The following MARCHF4 variants were observed in gnomAD, a reference collection of about 807,000 sequenced individuals.
MARCHF4 encodes E3 ubiquitin-protein ligase MARCHF4.
In MARCHF4, 14 loss-of-function variants were observed where a neutral mutation model predicts 43.9. That is an observed-to-expected ratio of 0.32 (90% CI 0.21 to 0.50). The LOEUF (loss-of-function observed/expected upper bound fraction) is 0.50. Ranked by LOEUF, MARCHF4 falls within the 20% of genes least tolerant of loss-of-function variation. The pLI is 0.98. For missense variants in MARCHF4, 468 were observed against 536.7 expected, an observed-to-expected ratio of 0.87 and a Z score of 1.27; for synonymous variants, 226 against 213.3, an observed-to-expected ratio of 1.06 and a Z score of -0.52.
chr2:216,274,000 G>A (rs113605720), intron 3 of MARCHF4, among the ~76,000 whole-genome samples: 33 of 152,310 alleles, frequency 2.2e-4, no homozygotes, highest in African/African-American at 7.0e-4. Flanking sequence ...TTGGAGTGTC[G>A]GTTGTGTTAC....
Position 216,369,907 on chromosome 2 carries a change from G to A in MARCHF4, c.354C>T (p.Asp118=), listed in dbSNP as rs966077168. The A allele has an allele frequency of 1.9e-6, 3 of 1,612,994 alleles. No individual in the cohort carries two copies. Among genetic ancestry groups the A allele is most frequent in the Non-Finnish European group, 2.5e-6 (3 of 1,179,642 alleles). Residue 118 remains aspartate, a synonymous_variant, in exon 1 of 4, where the codon GAC becomes GAT. Transcript: ENST00000273067. ...PPLPPSSVED[D]WGGPATEPPA... ...GTGGCTCTGTGGCTGGGCCACCCCAGTCATCTTCCACAGAAGAAGGTGGCA... is the reference window on the plus strand; with the variant it reads ...GTGGCTCTGTGGCTGGGCCACCCCAATCATCTTCCACAGAAGAAGGTGGCA...
intron 1 of MARCHF4, among the ~76,000 whole-genome samples, chr2:216,354,146 T>G (rs192515181): frequency 1.3e-5 from 2 of 152,244 alleles, no homozygotes; most frequent in African/African-American, 4.8e-5. Flanking sequence ...GACTAGTTGC[T>G]AAAGAGGAGT....
At chr2:216,365,558 G>A (rs559902500) in intron 1 of MARCHF4, among the ~76,000 whole-genome samples, 1 of 152,274 alleles carries the variant, frequency 6.6e-6, no homozygotes, top group South Asian at 2.1e-4. Context: ...TGGGGGTGGG[G>A]GACACATCTC....
intron 3 of MARCHF4, among the ~76,000 whole-genome samples, chr2:216,270,531 CA>C (rs1162412550): frequency 2.0e-5 from 3 of 151,982 alleles, no homozygotes; most frequent in African/African-American, 2.4e-5. Context: ...TCTACCCTGA[CA>C]AAAAAACCTC....
At chr2:216,279,261 G>T (rs1393777495) in intron 2 of MARCHF4, among the ~76,000 whole-genome samples, 2 of 152,212 alleles carry the variant, frequency 1.3e-5, no homozygotes, top group Non-Finnish European at 2.9e-5. Flanking sequence ...CCAGAAGAAA[G>T]CATGGGAAGG....
intron 1 of MARCHF4, among the ~76,000 whole-genome samples, chr2:216,295,176 G>A (rs928787543): frequency 6.6e-6 from 1 of 152,330 alleles, no homozygotes; most frequent in Middle Eastern, 3.4e-3. Flanking sequence ...TTTCTCAGGG[G>A]TAAAGTAGGA....
chr2:216,326,370 A>G (rs1334820027), intron 1 of MARCHF4, among the ~76,000 whole-genome samples: 2 of 148,466 alleles, frequency 1.3e-5, no homozygotes, highest in African/African-American at 2.5e-5. Context: ...GTGGGACTGT[A>G]AACTAGTTCA....
chr2:216,268,673 G>T (rs1166488431), intron 3 of MARCHF4, among the ~76,000 whole-genome samples: 2 of 152,164 alleles, frequency 1.3e-5, no homozygotes, highest in Non-Finnish European at 2.9e-5. Context: ...GTGTGAAAAT[G>T]GACTAATATA....
chr2:216,295,876 G>A (rs1177426989), intron 1 of MARCHF4, among the ~76,000 whole-genome samples: 2 of 152,202 alleles, frequency 1.3e-5, no homozygotes, highest in African/African-American at 4.8e-5. Context: ...GACTGGGTGC[G>A]GTGGCTCACG....
At chr2:216,365,867 C>G (rs1221441539) in intron 1 of MARCHF4, among the ~76,000 whole-genome samples, 1 of 152,140 alleles carries the variant, frequency 6.6e-6, no homozygotes, top group Admixed American at 6.6e-5. Context: ...CCACATCTAC[C>G]CTATGTCTCT....
At chr2:216,351,013 A>G (rs1009528984) in intron 1 of MARCHF4, among the ~76,000 whole-genome samples, 5 of 152,076 alleles carry the variant, frequency 3.3e-5, no homozygotes, top group African/African-American at 9.7e-5. Context: ...AAGTTACCCA[A>G]CCCTCCAAGT....
chr2:216,366,186 T>C (rs1285036131), intron 1 of MARCHF4, among the ~76,000 whole-genome samples: 2 of 152,198 alleles, frequency 1.3e-5, no homozygotes, highest in South Asian at 2.1e-4. Context: ...ATGGGGACTA[T>C]TATTATTATT....
At chr2:216,345,560 T>TA (rs1349830640) in intron 1 of MARCHF4, among the ~76,000 whole-genome samples, 1 of 152,134 alleles carries the variant, frequency 6.6e-6, no homozygotes, top group Non-Finnish European at 1.5e-5. Flanking sequence ...TAGGGAAAGT[T>TA]AAAAATACCA....
At chr2:216,318,741 G>T (rs1385047342) in intron 1 of MARCHF4, among the ~76,000 whole-genome samples, 2 of 152,178 alleles carry the variant, frequency 1.3e-5, no homozygotes, top group Non-Finnish European at 1.5e-5. Flanking sequence ...GGGCCTTGCT[G>T]TCATGATGGG....
chr2:216,312,817 C>G (rs1345724388), intron 1 of MARCHF4, among the ~76,000 whole-genome samples: 1 of 152,056 alleles, frequency 6.6e-6, no homozygotes, highest in Non-Finnish European at 1.5e-5. Flanking sequence ...TTATTTTCTC[C>G]CATTCTATAG....
chr2:216,351,749 G>C (rs1291640285), intron 1 of MARCHF4, among the ~76,000 whole-genome samples: 4 of 152,154 alleles, frequency 2.6e-5, no homozygotes, highest in Admixed American at 6.5e-5. Flanking sequence ...AACCTCTCTA[G>C]ACCTTGACTG....
intron 1 of MARCHF4, among the ~76,000 whole-genome samples, chr2:216,351,248 C>T (rs540428862): frequency 2.4e-4 from 36 of 152,236 alleles, no homozygotes; most frequent in Admixed American, 6.5e-4. Flanking sequence ...CATCACCACG[C>T]GCAAGGAAAA....
At chr2:216,345,570 A>G (rs1692307032) in intron 1 of MARCHF4, among the ~76,000 whole-genome samples, 1 of 152,128 alleles carries the variant, frequency 6.6e-6, no homozygotes, top group African/African-American at 2.4e-5. Flanking sequence ...TAAAAATACC[A>G]ATGCCTGGTC....
chr2:216,332,115 G>T (rs572775728), intron 1 of MARCHF4, among the ~76,000 whole-genome samples: 4 of 152,258 alleles, frequency 2.6e-5, no homozygotes, highest in South Asian at 4.1e-4. Context: ...TTGGGGCCGG[G>T]CACAGTGGCT....
Sources: gnomAD v4.1 joint callset for allele counts (sites outside exome capture counted in the v4.1 genomes callset) on GRCh38, gnomAD v4.1.1 for gene constraint, MANE v1.5 for transcripts, NCBI Gene and HGNC (gene_info 2026-07-23, HGNC 2026-07-21) for gene names.